The following SYNE1 variants were observed in gnomAD, a reference collection of about 807,000 sequenced individuals.
The protein encoded by SYNE1 is nesprin-1.
In SYNE1, 616 loss-of-function variants were observed where a neutral mutation model predicts 1,111.0. That is an observed-to-expected ratio of 0.55 (90% confidence interval 0.52 to 0.59). The LOEUF (loss-of-function observed/expected upper bound fraction) is 0.59. Ranked by LOEUF, SYNE1 falls within the 20% of genes least tolerant of loss-of-function variation. The pLI, the probability that SYNE1 is intolerant of heterozygous loss-of-function variation, is 0.00. For synonymous variants in SYNE1, 3,855 were observed against 3,825.8 expected (o/e 1.01, Z -0.28); for missense variants, 10,006 against 10,417.0 (o/e 0.96, Z 1.72).
intron 129 of SYNE1, 58 bp from the exon 130 acceptor site, chr6:152,176,618 C>A: frequency 6.6e-7 from 1 of 1,524,458 alleles, no homozygotes; most frequent in Non-Finnish European, 9.1e-7. Context: ...ACATCCAGCC[C>A]AGCTCTACTA....
chr6:152,418,767 C>T (rs2154185631), intron 40 of SYNE1, among the ~76,000 whole-genome samples: 1 of 152,262 alleles, frequency 6.6e-6, no homozygotes, highest in Admixed American at 6.5e-5. Context: ...ACAGGAAAGT[C>T]CCTTAAGGTC....
intron 103 of SYNE1, 142 bp downstream of exon 103, chr6:152,255,449 A>G: frequency 9.9e-7 from 1 of 1,011,840 alleles, no homozygotes; most frequent in Non-Finnish European, 1.5e-6. Context: ...AACTATAAAT[A>G]TTCTGCATTT....
At chr6:152,471,364 C>T (rs2098804585) in intron 16 of SYNE1, among the ~76,000 whole-genome samples, 1 of 152,140 alleles carries the variant, frequency 6.6e-6, no homozygotes. Flanking sequence ...ATGATTAATG[C>T]AGCAAAGCAT....
At chr6:152,451,713 C>A (rs1032825077) in intron 25 of SYNE1, among the ~76,000 whole-genome samples, 2 of 151,870 alleles carry the variant, frequency 1.3e-5, no homozygotes, top group African/African-American at 4.8e-5. Context: ...AACTCCTGAC[C>A]TAGGTGATCC....
intron 10 of SYNE1, 58 bp from the exon 11 acceptor site, chr6:152,498,850 T>C (rs986694336): frequency 1.9e-6 from 2 of 1,037,492 alleles, no homozygotes; most frequent in Non-Finnish European, 2.7e-6. Context: ...TCAAAAATTA[T>C]TTAGAAAACA....
intron 22 of SYNE1, among the ~76,000 whole-genome samples, chr6:152,457,979 C>T (rs530564238): frequency 1.3e-5 from 2 of 150,514 alleles, no homozygotes; most frequent in Non-Finnish European, 3.0e-5. Context: ...AAGTTTTATA[C>T]ATATAAAATT....
chr6:152,511,160 A>G (rs1333218373), intron 6 of SYNE1, 57 bp from the exon 7 acceptor site: 3 of 1,477,778 alleles, frequency 2.0e-6, no homozygotes, highest in African/African-American at 1.4e-5. Context: ...AACTCATTTA[A>G]TTATGTAACA....
rs141696581 is a variant in SYNE1 at position 152,235,085 on chromosome 6, C to A, written c.20397-285G>T. On this transcript the variant is annotated intron_variant, in intron 110 of 145. Coordinates refer to ENST00000367255, the MANE Select transcript of SYNE1 (RefSeq NM_182961.4). ...ATATTAGATGATGGTTACAAAAAGT[C>A]CTTTGAAATAAAGGCGGCTTAGACA... 3.3e-5 allele frequency among the ~76,000 whole-genome samples: 5 copies of A among 152,228 alleles called. No homozygotes were observed. In the East Asian group the frequency reaches 9.7e-4, roughly 30 times the overall value.
At chr6:152,450,494 T>A in intron 27 of SYNE1, 131 bp downstream of exon 27, 1 of 952,328 alleles carries the variant, frequency 1.1e-6, no homozygotes, top group Non-Finnish European at 1.7e-6. Flanking sequence ...TTCCTTTTAT[T>A]AAATGAAGGA....
Position 152,409,716 on chromosome 6 carries a change from T to C in SYNE1, c.6231-7A>G, listed in dbSNP as rs368858186. The stretch of plus-strand genomic sequence containing the variant: ...TCCACAGCACTGACCCTGACTGTAA[T>C]GATTAAAGAAAATATATTATTTGGT... On this transcript the variant is annotated splice_region_variant and splice_polypyrimidine_tract_variant and intron_variant, in intron 42 of 145. Transcript: ENST00000367255. 2.0e-5 allele frequency: 33 copies of C among 1,613,148 alleles called. No individual in the cohort carries two copies. The highest frequency in any genetic ancestry group is 2.8e-5 in the Non-Finnish European group (33 of 1,179,908).
At chr6:152,149,317 T>C (rs1001837665) in intron 136 of SYNE1, among the ~76,000 whole-genome samples, 160 bp downstream of exon 136, 1 of 152,196 alleles carries the variant, frequency 6.6e-6, no homozygotes, top group Non-Finnish European at 1.5e-5. Context: ...AGTGAGTAGC[T>C]TGCCGAAGGT....
chr6:152,301,657 G>GAAGTATTC (rs2095173675), intron 92 of SYNE1, among the ~76,000 whole-genome samples: 1 of 152,164 alleles, frequency 6.6e-6, no homozygotes, highest in African/African-American at 2.4e-5. Context: ...CAGCTGTCTC[G>GAAGTATTC]AGCACATAGT....
intron 11 of SYNE1, among the ~76,000 whole-genome samples, chr6:152,489,495 A>G (rs9371603): frequency 0.5 from 72,102 of 143,638 alleles, 19,129 homozygotes; most frequent in East Asian, 0.76. Flanking sequence ...CTCTACTGTC[A>G]TACTACAGGA....
chr6:152,196,560 T>C (rs977676969), intron 127 of SYNE1, among the ~76,000 whole-genome samples: 1 of 152,072 alleles, frequency 6.6e-6, no homozygotes, highest in Non-Finnish European at 1.5e-5. Flanking sequence ...GCCAAGGGTG[T>C]GTCTAGAAAT....
At chr6:152,339,679 C>T (rs1221180026) in intron 74 of SYNE1, among the ~76,000 whole-genome samples, 1 of 152,164 alleles carries the variant, frequency 6.6e-6, no homozygotes, top group African/African-American at 2.4e-5. Context: ...TTTTCCATTC[C>T]AGAGAAAGAA....
chr6:152,302,318 G>A (rs905206420), intron 91 of SYNE1: 6 of 569,406 alleles, frequency 1.1e-5, no homozygotes, highest in Non-Finnish European at 1.6e-5. Context: ...ATGAGGGGAT[G>A]AGGCCGAATG....
intron 73 of SYNE1, among the ~76,000 whole-genome samples, 199 bp downstream of exon 73, chr6:152,346,860 G>A (rs989331939): frequency 1.3e-5 from 2 of 152,162 alleles, no homozygotes; most frequent in Admixed American, 6.5e-5. Flanking sequence ...TCACTGCTTA[G>A]TCACATCAAT....
At chr6:152,434,222 T>C in intron 33 of SYNE1, 1 of 412,814 alleles carries the variant, frequency 2.4e-6, no homozygotes, top group Non-Finnish European at 4.4e-6. Flanking sequence ...GGGGTTTGAA[T>C]CCAGGTAGAA....
chr6:152,366,647 G>A (rs912403735), intron 62 of SYNE1, among the ~76,000 whole-genome samples: 11 of 152,152 alleles, frequency 7.2e-5, no homozygotes, highest in African/African-American at 2.4e-4. Flanking sequence ...TGCATCTGTG[G>A]TTGTTGTCTT....
Sources: gnomAD v4.1 joint callset for allele counts (sites outside exome capture counted in the v4.1 genomes callset) on GRCh38, gnomAD v4.1.1 for gene constraint, MANE v1.5 for transcripts, NCBI Gene and HGNC (gene_info 2026-07-23, HGNC 2026-07-21) for gene names.